NPAS3: variants seen among roughly 807,000 people sequenced by gnomAD.
NPAS3 encodes neuronal PAS domain-containing protein 3.
Under a neutral mutation model 73.1 loss-of-function variants are expected in NPAS3, and 14 were observed. That is an observed-to-expected ratio of 0.19 (90% CI 0.13 to 0.30). NPAS3 has a LOEUF of 0.30. NPAS3 is among the 10% of genes least tolerant of loss of function. The pLI is 1.00. For synonymous variants in NPAS3, 620 were observed against 541.5 expected (o/e 1.14, Z -2.01); for missense variants, 1,096 against 1,250.0 (o/e 0.88, Z 1.86).
At position 33,535,169 on chromosome 14, in the gene NPAS3, A is replaced by G. The variant is rs147950407; in HGVS notation, c.469-24952A>G. Among the ~76,000 whole-genome samples the G allele has an allele frequency of 2.0e-3, 308 of 152,348 alleles. 1 individual carries two copies. Among genetic ancestry groups the G allele is most frequent in the African/African-American group, 7.1e-3 (294 of 41,582 alleles). On this transcript the variant is annotated intron_variant, in intron 4 of 11. Transcript: ENST00000356141. ...CAAATTCTATAATAAAAGTATATAT[A>G]CTGTCATAAAAAATATCACTTACAC...
intron 3 of NPAS3, among the ~76,000 whole-genome samples, chr14:33,251,241 C>T (rs999199882): frequency 1.3e-5 from 2 of 152,174 alleles, no homozygotes; most frequent in Non-Finnish European, 2.9e-5. Flanking sequence ...TTTTTCTTTT[C>T]TTATACAGAA....
chr14:33,240,500 G>T (rs1335375327), intron 3 of NPAS3, among the ~76,000 whole-genome samples: 1 of 151,596 alleles, frequency 6.6e-6, no homozygotes, highest in Non-Finnish European at 1.5e-5. Flanking sequence ...AGCCTTGTCT[G>T]TGAACGTTTA....
At chr14:33,507,015 G>GA (rs113116550) in intron 4 of NPAS3, among the ~76,000 whole-genome samples, 44,586 of 148,760 alleles carry the variant, frequency 0.3, 7,945 homozygotes, top group African/African-American at 0.5. Context: ...ACTCAGATTG[G>GA]AAAAAAAAAA....
At chr14:33,768,836 TC>T (rs2062549715) in intron 7 of NPAS3, among the ~76,000 whole-genome samples, 1 of 152,230 alleles carries the variant, frequency 6.6e-6, no homozygotes, top group Non-Finnish European at 1.5e-5. Context: ...GTTTCATGGC[TC>T]TTGACATATT....
At chr14:33,580,480 T>C (rs2056619457) in intron 5 of NPAS3, among the ~76,000 whole-genome samples, 1 of 152,172 alleles carries the variant, frequency 6.6e-6, no homozygotes, top group African/African-American at 2.4e-5. Context: ...AAGGCCTAAC[T>C]GTGACCTGTG....
At chr14:33,337,572 A>C (rs1595833) in intron 3 of NPAS3, among the ~76,000 whole-genome samples, 3,136 of 152,052 alleles carry the variant, frequency 0.021, 49 homozygotes, top group South Asian at 0.054. Flanking sequence ...ATTCTAGATT[A>C]TTTGTATTTT....
chr14:33,745,217 C>A (rs2061758240), intron 7 of NPAS3, among the ~76,000 whole-genome samples: 1 of 152,202 alleles, frequency 6.6e-6, no homozygotes, highest in African/African-American at 2.4e-5. Flanking sequence ...CCACTGCACT[C>A]CAGCCTAGGT....
At chr14:33,099,924 C>A (rs1177717049) in intron 2 of NPAS3, among the ~76,000 whole-genome samples, 1 of 152,046 alleles carries the variant, frequency 6.6e-6, no homozygotes. Context: ...AGAAATAATC[C>A]ACTAAAGAAA....
chr14:33,229,113 T>G (rs1237610965), intron 3 of NPAS3, among the ~76,000 whole-genome samples: 1 of 152,172 alleles, frequency 6.6e-6, no homozygotes, highest in East Asian at 1.9e-4. Context: ...GAAAAGTATT[T>G]TAAACAGGAT....
intron 1 of NPAS3, among the ~76,000 whole-genome samples, chr14:32,992,913 G>A (rs1053578637): frequency 1.3e-5 from 2 of 152,078 alleles, no homozygotes; most frequent in African/African-American, 4.8e-5. Context: ...CCAGCACTTT[G>A]GGAGGCCAAG....
chr14:33,249,399 T>C (rs1395517859), intron 3 of NPAS3, among the ~76,000 whole-genome samples: 2 of 151,290 alleles, frequency 1.3e-5, no homozygotes, highest in Non-Finnish European at 2.9e-5. Flanking sequence ...GTGGATGTCA[T>C]GGAATGCCTT....
At chr14:33,670,953 T>G (rs922332782) in intron 5 of NPAS3, among the ~76,000 whole-genome samples, 1 of 151,962 alleles carries the variant, frequency 6.6e-6, no homozygotes, top group African/African-American at 2.4e-5. Flanking sequence ...TACAAAAGCT[T>G]TATGACATTC....
chr14:33,544,073 C>T (rs1214723282), intron 4 of NPAS3, among the ~76,000 whole-genome samples: 1 of 147,410 alleles, frequency 6.8e-6, no homozygotes, highest in Non-Finnish European at 1.5e-5. Context: ...GGGTCTGGCA[C>T]AGAGACCACC....
chr14:33,183,413 G>T, intron 2 of NPAS3, among the ~76,000 whole-genome samples: 1 of 135,694 alleles, frequency 7.4e-6, no homozygotes, highest in Non-Finnish European at 1.6e-5. Context: ...GCGACAGAGT[G>T]AGACTCTGTT....
At chr14:33,477,320 T>C (rs181483048) in intron 4 of NPAS3, among the ~76,000 whole-genome samples, 2 of 152,174 alleles carry the variant, frequency 1.3e-5, no homozygotes, top group East Asian at 3.9e-4. Context: ...CCAGATTCAC[T>C]ATGGAAAGAG....
intron 3 of NPAS3, among the ~76,000 whole-genome samples, chr14:33,220,367 T>C (rs2047378912): frequency 1.3e-5 from 2 of 152,262 alleles, no homozygotes; most frequent in Middle Eastern, 3.4e-3. Flanking sequence ...TGGGAGTGAG[T>C]GCCAGGTTTT....
chr14:33,571,477 T>TA (rs2056213756), intron 5 of NPAS3, among the ~76,000 whole-genome samples: 1 of 152,200 alleles, frequency 6.6e-6, no homozygotes, highest in African/African-American at 2.4e-5. Flanking sequence ...AAAGAAATGA[T>TA]ACGGCTTTTA....
intron 9 of NPAS3, among the ~76,000 whole-genome samples, chr14:33,783,140 C>T (rs901971096): frequency 6.6e-6 from 1 of 152,200 alleles, no homozygotes; most frequent in African/African-American, 2.4e-5. Flanking sequence ...GTCCTCCATG[C>T]ATTTGTCATC....
intron 1 of NPAS3, among the ~76,000 whole-genome samples, chr14:33,007,103 C>T (rs755863578): frequency 2.6e-5 from 4 of 152,170 alleles, no homozygotes; most frequent in Admixed American, 6.5e-5. Context: ...TAGAGCTTGT[C>T]AGTGAATGTT....
Sources: gnomAD v4.1 joint callset for allele counts (sites outside exome capture counted in the v4.1 genomes callset) on GRCh38, gnomAD v4.1.1 for gene constraint, MANE v1.5 for transcripts, NCBI Gene and HGNC (gene_info 2026-07-23, HGNC 2026-07-21) for gene names.